RCAN1: variants seen among roughly 807,000 people sequenced by gnomAD.
RCAN1 encodes calcipressin-1.
A neutral mutation model predicts 22.9 loss-of-function variants in RCAN1; 11 were observed. The observed-to-expected ratio is 0.48, with a 90% CI of 0.30 to 0.79. The LOEUF (loss-of-function observed/expected upper bound fraction) is 0.79, where lower values mean the gene tolerates loss of function less well. RCAN1 is among the 30% of genes least tolerant of loss of function. RCAN1 has a pLI of 0.06. For missense variants in RCAN1, 291 were observed against 337.8 expected (o/e 0.86, Z 1.09); for synonymous variants, 136 against 142.3 (o/e 0.96, Z 0.32).
chr21:34,527,154 C>G (rs1018907774), intron 1 of RCAN1, among the ~76,000 whole-genome samples: 1 of 152,156 alleles, frequency 6.6e-6, no homozygotes, highest in Non-Finnish European at 1.5e-5. Flanking sequence ...ACAACACGCT[C>G]CTCGGCCGAA....
At chr21:34,543,523 G>A (rs574493348) in intron 1 of RCAN1, among the ~76,000 whole-genome samples, 3 of 152,318 alleles carry the variant, frequency 2.0e-5, no homozygotes, top group Admixed American at 2.0e-4. Flanking sequence ...TTGATCTCCA[G>A]AACTGTACAG....
At chr21:34,564,483 G>C (rs1462625845) in intron 1 of RCAN1, among the ~76,000 whole-genome samples, 2 of 152,148 alleles carry the variant, frequency 1.3e-5, no homozygotes, top group Non-Finnish European at 2.9e-5. Context: ...GCCGCCCAGA[G>C]CCTGATGTGA....
chr21:34,570,813 AC>A (rs1344153611), intron 1 of RCAN1, among the ~76,000 whole-genome samples: 1 of 152,216 alleles, frequency 6.6e-6, no homozygotes, highest in Non-Finnish European at 1.5e-5. Flanking sequence ...TGCTTTTAGC[AC>A]AGTGCTAGAA....
intron 1 of RCAN1, among the ~76,000 whole-genome samples, chr21:34,572,252 G>C (rs1987260240): frequency 6.6e-6 from 1 of 152,188 alleles, no homozygotes; most frequent in Non-Finnish European, 1.5e-5. Context: ...GGTTGTCCGA[G>C]GGCTGGACTC....
chr21:34,584,742 C>T (rs2300386), intron 1 of RCAN1, among the ~76,000 whole-genome samples: 26,034 of 152,154 alleles, frequency 0.17, 2,703 homozygotes, highest in South Asian at 0.25. Flanking sequence ...ATTGCAGAAG[C>T]GTGTACCTGC....
intron 1 of RCAN1, chr21:34,613,814 T>G (rs1248270215): frequency 2.8e-5 from 42 of 1,491,492 alleles, no homozygotes; most frequent in Non-Finnish European, 3.4e-5. Context: ...ACAGTGGTGT[T>G]GTATTGGCAG....
At chr21:34,530,418 AC>A (rs746594944) in intron 1 of RCAN1, among the ~76,000 whole-genome samples, 17 of 152,188 alleles carry the variant, frequency 1.1e-4, no homozygotes, top group Non-Finnish European at 1.9e-4. Flanking sequence ...TCCATTATGA[AC>A]TCTAAGGAGT....
At chr21:34,524,952 G>T in intron 1 of RCAN1, 3 of 1,418,596 alleles carry the variant, frequency 2.1e-6, no homozygotes, top group Non-Finnish European at 2.8e-6. Flanking sequence ...GCCGGGTTTT[G>T]TGAATCTTTT....
At chr21:34,549,937 C>T (rs1330736044) in intron 1 of RCAN1, among the ~76,000 whole-genome samples, 1 of 152,072 alleles carries the variant, frequency 6.6e-6, no homozygotes, top group Admixed American at 6.5e-5. Context: ...AGTTCTGAGG[C>T]CCACCTTGCT....
chr21:34,531,872 G>A (rs1335652864), intron 1 of RCAN1, among the ~76,000 whole-genome samples: 1 of 151,958 alleles, frequency 6.6e-6, no homozygotes, highest in East Asian at 1.9e-4. Context: ...GTGCAGGCAT[G>A]TCGTTCTCCA....
intron 1 of RCAN1, among the ~76,000 whole-genome samples, chr21:34,590,470 T>C (rs995224173): frequency 1.3e-5 from 2 of 152,244 alleles, no homozygotes; most frequent in African/African-American, 4.8e-5. Context: ...ATTACTCTGA[T>C]CTAGAAGGTA....
Position 34,614,878 on chromosome 21 carries a change from C to G in RCAN1, c.134G>C (p.Gly45Ala). The change falls in exon 1 of 4, where the codon GGC (glycine) becomes GCC (alanine). Residue 45 changes from glycine to alanine, a missense_variant. By Grantham distance (60) the Gly-to-Ala change is moderately conservative (BLOSUM62 0). Coordinates refer to ENST00000313806, the MANE Select transcript of RCAN1 (RefSeq NM_004414.7). This position sits in a 1 kb window ranked among gnomAD's most constrained non-coding sequence, Gnocchi z 6.0. Reference sequence around the variant, plus strand: ...GTCAATGAAGCTCCAGTCGCCGCCGCCCTCGTCCGCCTCGGCCGCCCCCGA... The same window carrying G: ...GTCAATGAAGCTCCAGTCGCCGCCGGCCTCGTCCGCCTCGGCCGCCCCCGA... ...PLSGAAEADE[G>A]GGDWSFIDCE... 6.9e-7 allele frequency: 1 copy of G among 1,454,364 alleles called. No homozygotes were observed. The allele number at this position is 1,454,364 out of a possible 1,614,324, so 90.1% of individuals were successfully genotyped here. A position where few individuals can be genotyped will look rare whatever the true frequency, so the allele number is the denominator to read the frequency against.
chr21:34,592,164 T>C (rs565189772), intron 1 of RCAN1, among the ~76,000 whole-genome samples: 3 of 152,304 alleles, frequency 2.0e-5, no homozygotes, highest in African/African-American at 7.2e-5. Context: ...ACTACGCAAG[T>C]GCACTCCAGT....
chr21:34,610,673 C>T (rs1988663244), intron 1 of RCAN1, among the ~76,000 whole-genome samples: 1 of 152,176 alleles, frequency 6.6e-6, no homozygotes, highest in Admixed American at 6.6e-5. Context: ...CCAGGCGATT[C>T]CCAGCCCCAG....
intron 1 of RCAN1, among the ~76,000 whole-genome samples, chr21:34,544,412 G>C (rs1259549968): frequency 6.6e-6 from 1 of 152,196 alleles, no homozygotes; most frequent in Non-Finnish European, 1.5e-5. Flanking sequence ...AATGTGCTTA[G>C]AAGCAGATTC....
intron 1 of RCAN1, among the ~76,000 whole-genome samples, chr21:34,594,662 C>T (rs1988089044): frequency 6.6e-6 from 1 of 152,166 alleles, no homozygotes; most frequent in Admixed American, 6.5e-5. Context: ...GTGAGGAGCA[C>T]TGAATAAGGC....
intron 1 of RCAN1, among the ~76,000 whole-genome samples, chr21:34,543,528 G>T (rs899546073): frequency 3.3e-5 from 5 of 152,194 alleles, no homozygotes; most frequent in Non-Finnish European, 4.4e-5. Flanking sequence ...CTCCAGAACT[G>T]TACAGTCATA....
At chr21:34,559,133 A>C (rs2123660824) in intron 1 of RCAN1, 1 of 152,356 alleles carries the variant, frequency 6.6e-6, no homozygotes, top group African/African-American at 2.4e-5. Context: ...AGAGAATGCA[A>C]AGATGGATGG....
At position 34,526,817 on chromosome 21, in the gene RCAN1, G is replaced by C. The variant is rs1036597253; in HGVS notation, c.253-3107C>G. On this transcript the variant is annotated intron_variant, in intron 1 of 3. Transcript: ENST00000313806. Reference sequence around the variant, plus strand: ...AGCCCCTAGTGAGATTCCTTTCCAAGAGGCTGTAGGTTCCTTCTTGAGCTG... The same window carrying C: ...AGCCCCTAGTGAGATTCCTTTCCAACAGGCTGTAGGTTCCTTCTTGAGCTG... 10 of 1,549,592 alleles carry C rather than the reference G, an allele frequency of 6.5e-6. No homozygotes were observed. In the Admixed American group the frequency reaches 2.0e-4, roughly 32 times the overall value.
Sources: gnomAD v4.1 joint callset for allele counts (sites outside exome capture counted in the v4.1 genomes callset) on GRCh38, gnomAD v4.1.1 for gene constraint, Gnocchi (gnomAD v3.1) non-coding constraint, MANE v1.5 for transcripts, NCBI Gene and HGNC (gene_info 2026-07-23, HGNC 2026-07-21) for gene names.